ICA1: variants seen among roughly 807,000 people sequenced by gnomAD.
The protein encoded by ICA1 is 69 kDa islet cell autoantigen.
ICA1 carries 40 observed loss-of-function variants against 71.0 expected under a neutral mutation model. The observed-to-expected ratio is 0.56, with a 90% CI of 0.44 to 0.73. ICA1 has a LOEUF of 0.73. ICA1 is among the 30% of genes least tolerant of loss of function. The pLI is 0.00. For synonymous variants in ICA1, 207 were observed against 209.5 expected (o/e 0.99, Z 0.10); for missense variants, 578 against 576.5 (o/e 1.00, Z -0.03).
intron 6 of ICA1, among the ~76,000 whole-genome samples, chr7:8,180,425 A>G (rs2128258881): frequency 6.6e-6 from 1 of 152,236 alleles, no homozygotes; most frequent in Non-Finnish European, 1.5e-5. Context: ...TATCCTTTCT[A>G]CTATTCATGG....
At chr7:8,139,115 A>G in intron 10 of ICA1, 68 bp from the exon 11 acceptor site, 1 of 1,245,854 alleles carries the variant, frequency 8.0e-7, no homozygotes, top group Non-Finnish European at 1.2e-6. Flanking sequence ...ACGCTATTGC[A>G]GTGTAAGGTA....
chr7:8,221,187 G>C, intron 5 of ICA1, 88 bp downstream of exon 5: 1 of 1,544,614 alleles, frequency 6.5e-7, no homozygotes. Context: ...TCCTTCTAAA[G>C]AACACTGTGA....
chr7:8,203,905 C>A (rs111245532), intron 6 of ICA1, among the ~76,000 whole-genome samples: 1 of 152,066 alleles, frequency 6.6e-6, no homozygotes, highest in African/African-American at 2.4e-5. Flanking sequence ...GTTGAGCCTA[C>A]TCTTGCAGGA....
intron 1 of ICA1, among the ~76,000 whole-genome samples, chr7:8,246,785 C>T (rs759083878): frequency 2.0e-5 from 3 of 152,230 alleles, no homozygotes; most frequent in Admixed American, 1.3e-4. Flanking sequence ...CTCGCTCTGT[C>T]ACCCAGGCTG....
intron 8 of ICA1, among the ~76,000 whole-genome samples, chr7:8,153,501 T>C (rs1275057092): frequency 1.3e-5 from 2 of 152,118 alleles, no homozygotes; most frequent in African/African-American, 4.8e-5. Flanking sequence ...GAGGTCTTTT[T>C]TTTTCCCCCT....
chr7:8,203,433 G>A (rs189398499), intron 6 of ICA1, among the ~76,000 whole-genome samples: 1 of 152,214 alleles, frequency 6.6e-6, no homozygotes, highest in Non-Finnish European at 1.5e-5. Context: ...TTTTTTGATG[G>A]ATCAGTCATC....
chr7:8,207,570 T>G (rs181009444), intron 6 of ICA1, among the ~76,000 whole-genome samples: 31 of 152,360 alleles, frequency 2.0e-4, no homozygotes, highest in Non-Finnish European at 3.5e-4. Flanking sequence ...AGCTGTTTTC[T>G]GTTTAAGGTT....
At chr7:8,203,164 T>C (rs1790310567) in intron 6 of ICA1, among the ~76,000 whole-genome samples, 1 of 152,186 alleles carries the variant, frequency 6.6e-6, no homozygotes, top group Non-Finnish European at 1.5e-5. Flanking sequence ...TGATTCTAGA[T>C]AAACAAAATA....
intron 6 of ICA1, among the ~76,000 whole-genome samples, chr7:8,167,473 C>G (rs1034946712): frequency 6.6e-6 from 1 of 152,032 alleles, no homozygotes; most frequent in East Asian, 1.9e-4. Flanking sequence ...CGCCTACTTG[C>G]GGGTAGGTGG....
chr7:8,155,924 C>T (rs752770462), intron 8 of ICA1, among the ~76,000 whole-genome samples: 3 of 152,166 alleles, frequency 2.0e-5, no homozygotes, highest in Non-Finnish European at 2.9e-5. Context: ...AAAGAGGATA[C>T]ATAAGAAATA....
At chr7:8,157,925 A>T (rs1584701864) in intron 7 of ICA1, among the ~76,000 whole-genome samples, 1 of 151,896 alleles carries the variant, frequency 6.6e-6, no homozygotes, top group Non-Finnish European at 1.5e-5. Flanking sequence ...CCTGACCTCA[A>T]GTGATCCGCC....
intron 8 of ICA1, among the ~76,000 whole-genome samples, chr7:8,155,757 T>C (rs1801267059): frequency 6.6e-6 from 1 of 152,162 alleles, no homozygotes; most frequent in Non-Finnish European, 1.5e-5. Flanking sequence ...TTGTGAATAG[T>C]GTGCATTATA....
upstream of ICA1, chr7:8,262,306 C>A (rs1812837920): frequency 6.6e-6 from 1 of 151,916 alleles, no homozygotes; most frequent in Non-Finnish European, 1.5e-5. Context: ...GTGCGGGCGC[C>A]CTCGCCGCCC....
In ICA1 at chr7:8,113,235, G is replaced by C. The variant is rs1463513470; in HGVS notation, c.*688C>G. ...TAATTAAAAAAAAAAAAAAAACAAT[G>C]TCACAAGAGGCTTCAGAAATACATG... On this transcript the variant is annotated 3_prime_UTR_variant, in exon 14 of 14. Transcript: ENST00000402384. This position sits in a 1 kb window ranked among gnomAD's most constrained non-coding sequence, Gnocchi z 4.2. The C allele has an allele frequency of 2.7e-5, 4 of 149,498 alleles. No individual in the cohort carries two copies. Among genetic ancestry groups the C allele is most frequent in the Non-Finnish European group, 5.9e-5 (4 of 67,328 alleles). The allele number at this position is 149,498 out of a possible 1,614,324, so 9.3% of individuals were successfully genotyped here. A position where few individuals can be genotyped will look rare whatever the true frequency, so the allele number is the denominator to read the frequency against.
At chr7:8,258,387 T>C (rs1287480262) in intron 1 of ICA1, among the ~76,000 whole-genome samples, 1 of 152,218 alleles carries the variant, frequency 6.6e-6, no homozygotes, top group Non-Finnish European at 1.5e-5. Context: ...AGACAGATGA[T>C]TCCCATCATG....
chr7:8,179,792 G>A (rs992049208), intron 6 of ICA1, among the ~76,000 whole-genome samples: 4 of 151,886 alleles, frequency 2.6e-5, no homozygotes, highest in Admixed American at 2.0e-4. Context: ...AGAGTTCTCC[G>A]AATATTTAGG....
At chr7:8,167,691 G>A (rs557669508) in intron 6 of ICA1, among the ~76,000 whole-genome samples, 2 of 152,176 alleles carry the variant, frequency 1.3e-5, no homozygotes, top group East Asian at 1.9e-4. Flanking sequence ...CTTTAATAAC[G>A]TGGTTTAAAT....
At chr7:8,204,068 G>GA (rs373309086) in intron 6 of ICA1, among the ~76,000 whole-genome samples, 34,765 of 148,322 alleles carry the variant, frequency 0.23, 5,057 homozygotes, top group African/African-American at 0.42. Flanking sequence ...TGGTGAGAAG[G>GA]AAAAAAAAAA....
Position 8,232,736 on chromosome 7 carries a change from G to GT in ICA1, c.36dup (p.Gln13ThrfsTer8). ...GACTTATCTTGAGCATATCGATCCT[G>GT]TAAGTCCCAGGGATAACTGCTAAAA... is the stretch of plus-strand genomic sequence containing the variant. On this transcript the variant is annotated frameshift_variant, in exon 3 of 14. Transcript: ENST00000402384. LOFTEE classifies it high-confidence loss of function. 1 of 1,601,062 alleles carries GT rather than the reference G, an allele frequency of 6.2e-7. No individual in the cohort carries two copies. The highest frequency in any genetic ancestry group is 8.5e-7 in the Non-Finnish European group (1 of 1,174,246).
Sources: allele counts gnomAD v4.1 joint callset (sites outside exome capture counted in the v4.1 genomes callset), GRCh38; gene constraint gnomAD v4.1.1; non-coding constraint Gnocchi (gnomAD v3.1); transcripts MANE v1.5; gene names NCBI Gene and HGNC (gene_info 2026-07-23, HGNC 2026-07-21).